Variants in DMD observed in about 807,000 individuals in gnomAD.
DMD encodes the protein dystrophin, also known as mutant dystrophin.
DMD carries 63 observed loss-of-function variants against 330.1 expected under a neutral mutation model. The observed-to-expected ratio is 0.19, with a 90% CI of 0.16 to 0.24. DMD has a LOEUF of 0.24. DMD is among the 10% of genes least tolerant of loss of function. DMD has a pLI of 1.00. For missense variants in DMD, 3,344 were observed against 2,684.1 expected (o/e 1.25, Z -5.43); for synonymous variants, 1,223 against 959.8 (o/e 1.27, Z -5.07).
At chrX:32,273,496 ATTCT>A (rs1476834928) in intron 43 of DMD, among the ~76,000 whole-genome samples, 1 of 73,360 alleles carries the variant, frequency 1.4e-5, no homozygotes, top group Non-Finnish European at 2.3e-5. Flanking sequence ...CTCTTCCAAT[ATTCT>A]TTTTTTTTTT....
At chrX:31,371,358 G>C (rs1200606131) in intron 60 of DMD, among the ~76,000 whole-genome samples, 1 of 111,281 alleles carries the variant, frequency 9.0e-6, no homozygotes, top group African/African-American at 3.3e-5. Context: ...TAGAAGCTTA[G>C]ATTTCTTTTT....
At chrX:33,146,642 C>A (rs374799897) in intron 1 of DMD, among the ~76,000 whole-genome samples, 1 of 110,667 alleles carries the variant, frequency 9.0e-6, no homozygotes, top group East Asian at 2.9e-4. Context: ...TGTTTGCCAG[C>A]TCTCACCTGA....
chrX:32,903,144 CAAAAAAAAAAAAA>C (rs34973696), intron 2 of DMD, among the ~76,000 whole-genome samples: 1 of 32,990 alleles, frequency 3.0e-5, no homozygotes, highest in Non-Finnish European at 4.8e-5. Context: ...GACTCAGTCT[CAAAAAAAAAAAAA>C]AAAAAAAAGA....
At chrX:33,180,661 G>C (rs1230573592) in intron 1 of DMD, among the ~76,000 whole-genome samples, 6 of 111,164 alleles carry the variant, frequency 5.4e-5, no homozygotes, top group African/African-American at 1.6e-4. Flanking sequence ...TCAGAACACT[G>C]TACTCCTGAA....
intron 44 of DMD, among the ~76,000 whole-genome samples, chrX:32,063,844 G>A (rs912019749): frequency 1.8e-5 from 2 of 111,220 alleles, no homozygotes; most frequent in African/African-American, 6.5e-5. Context: ...TTACTAAACA[G>A]AAAGTTTGCA....
intron 2 of DMD, among the ~76,000 whole-genome samples, chrX:32,879,100 C>A (rs1382439249): frequency 2.7e-5 from 3 of 110,736 alleles, no homozygotes; most frequent in African/African-American, 9.9e-5. Flanking sequence ...GACATAATAT[C>A]CATGTGTATC....
intron 48 of DMD, among the ~76,000 whole-genome samples, chrX:31,837,326 C>T (rs2093223140): frequency 9.0e-6 from 1 of 111,367 alleles, no homozygotes; most frequent in Non-Finnish European, 1.9e-5. Context: ...AGTATCAAAG[C>T]TTATTATTTA....
At chrX:31,748,468 T>A (rs1313680419) in intron 51 of DMD, among the ~76,000 whole-genome samples, 1 of 111,906 alleles carries the variant, frequency 8.9e-6, no homozygotes, top group African/African-American at 3.2e-5. Context: ...AATAGTAATA[T>A]CTGCCCCTAA....
At chrX:32,879,129 A>G (rs2083667321) in intron 2 of DMD, among the ~76,000 whole-genome samples, 1 of 111,530 alleles carries the variant, frequency 9.0e-6, no homozygotes, top group African/African-American at 3.3e-5. Flanking sequence ...TTATTCCTGC[A>G]TCTGTTACCG....
intron 52 of DMD, among the ~76,000 whole-genome samples, chrX:31,706,978 T>C (rs375799816): frequency 1.1e-4 from 12 of 112,068 alleles, no homozygotes; most frequent in African/African-American, 3.9e-4. Flanking sequence ...ATTAGCATAG[T>C]TGTGTTCCAA....
intron 44 of DMD, among the ~76,000 whole-genome samples, chrX:32,192,775 T>C (rs752966998): frequency 8.9e-6 from 1 of 111,931 alleles, no homozygotes; most frequent in East Asian, 2.8e-4. Context: ...TCTTTCAAAA[T>C]GTGTACCGCA....
intron 2 of DMD, among the ~76,000 whole-genome samples, chrX:32,967,405 T>C (rs2092202449): frequency 1.8e-5 from 2 of 112,090 alleles, no homozygotes; most frequent in African/African-American, 6.5e-5. Flanking sequence ...GTTATGACTA[T>C]GGATGACTGG....
intron 61 of DMD, among the ~76,000 whole-genome samples, chrX:31,341,882 T>TGCGC (rs764854573): frequency 0.01 from 854 of 82,692 alleles, 9 homozygotes; most frequent in African/African-American, 0.042. Flanking sequence ...CGCGCGTGCG[T>TGCGC]GCGCGCGCGC....
chrX:31,466,937 G>A (rs1379101781), intron 59 of DMD, among the ~76,000 whole-genome samples: 1 of 111,399 alleles, frequency 9.0e-6, no homozygotes, highest in Non-Finnish European at 1.9e-5. Context: ...TTGTGAATGG[G>A]AATTCACTCA....
chrX:32,421,395 T>C (rs1040355063), intron 29 of DMD, among the ~76,000 whole-genome samples: 5 of 111,314 alleles, frequency 4.5e-5, no homozygotes, highest in Admixed American at 2.9e-4. Flanking sequence ...ATGATTCATT[T>C]GGATGGGATG....
At chrX:32,417,854 A>T (rs2098172168) in intron 29 of DMD, among the ~76,000 whole-genome samples, 1 of 110,000 alleles carries the variant, frequency 9.1e-6, no homozygotes, top group Admixed American at 9.8e-5. Context: ...CAAATCATAA[A>T]CTCAAAGCTA....
chrX:32,717,684 G>T (rs775701952), intron 7 of DMD, among the ~76,000 whole-genome samples: 2 of 110,952 alleles, frequency 1.8e-5, no homozygotes, highest in East Asian at 5.7e-4. Flanking sequence ...GGTCTCTCCA[G>T]TGACAGTTTG....
At chrX:32,354,621 T>A (rs2097792713) in intron 37 of DMD, among the ~76,000 whole-genome samples, 1 of 111,820 alleles carries the variant, frequency 8.9e-6, no homozygotes, top group South Asian at 3.6e-4. Flanking sequence ...AAATATTATT[T>A]TTAAATTAAA....
chrX:32,082,700 C>G (rs1352975173), intron 44 of DMD, among the ~76,000 whole-genome samples: 1 of 111,450 alleles, frequency 9.0e-6, no homozygotes, highest in Non-Finnish European at 1.9e-5. Flanking sequence ...ATTTTTCTAC[C>G]CCATGGAGAA....
Sources: gnomAD v4.1 joint callset for allele counts (sites outside exome capture counted in the v4.1 genomes callset) on GRCh38, gnomAD v4.1.1 for gene constraint, MANE v1.5 for transcripts, NCBI Gene and HGNC (gene_info 2026-07-23, HGNC 2026-07-21) for gene names.